Variants in MLIP observed in about 807,000 individuals in gnomAD.
The protein encoded by MLIP is muscular LMNA-interacting protein.
Under a neutral mutation model 84.8 loss-of-function variants are expected in MLIP, and 79 were observed. The observed-to-expected ratio is 0.93, with a 90% confidence interval of 0.78 to 1.12. MLIP has a LOEUF of 1.12. Ranked by LOEUF, MLIP falls within the 50% of genes most tolerant of loss-of-function variation. The pLI is 0.00. For synonymous variants in MLIP, 504 were observed against 463.0 expected (o/e 1.09, Z -1.14); for missense variants, 1,257 against 1,160.6 (o/e 1.08, Z -1.21).
intron 1 of MLIP, among the ~76,000 whole-genome samples, chr6:54,092,414 G>A (rs1467385044): frequency 6.6e-6 from 1 of 152,102 alleles, no homozygotes; most frequent in Non-Finnish European, 1.5e-5. Flanking sequence ...TCATTTCACA[G>A]TAGTCCTATG....
At chr6:54,215,073 C>T (rs1175804495) in intron 11 of MLIP, 9 of 1,189,812 alleles carry the variant, frequency 7.6e-6, no homozygotes, top group Admixed American at 4.2e-5. Flanking sequence ...TGCCTTTTTG[C>T]TCCTATTTGT....
chr6:54,239,069 C>T (rs1463773447), intron 12 of MLIP, among the ~76,000 whole-genome samples: 1 of 152,060 alleles, frequency 6.6e-6, no homozygotes, highest in Non-Finnish European at 1.5e-5. Context: ...TTCTAGATTT[C>T]TCTAGCCTTT....
chr6:54,029,480 C>G (rs545431174), intron 1 of MLIP: 3 of 152,480 alleles, frequency 2.0e-5, no homozygotes, highest in East Asian at 3.9e-4. Context: ...GAGAAATGAG[C>G]CTTTACCAGA....
Position 54,266,025 on chromosome 6 carries a change from A to G in MLIP, c.*70A>G. 1 of 1,502,564 alleles carries G rather than the reference A, an allele frequency of 6.7e-7. No homozygotes were observed. The highest frequency in any genetic ancestry group is 9.1e-7 in the Non-Finnish European group (1 of 1,101,148). The allele number at this position is 1,502,564 out of a possible 1,614,324, so 93.1% of individuals were successfully genotyped here. On this transcript the variant is annotated 3_prime_UTR_variant, in exon 14 of 14. Coordinates refer to ENST00000502396, the MANE Select transcript of MLIP (RefSeq NM_001281747.2). ...AATGCTGGTGCTAACCACTTGCTAGATTTAACTTTTTTTTTTTTTTCCAGA... is the reference window on the plus strand; with the variant it reads ...AATGCTGGTGCTAACCACTTGCTAGGTTTAACTTTTTTTTTTTTTTCCAGA...
At chr6:54,035,026 T>C (rs192996843) in intron 1 of MLIP, among the ~76,000 whole-genome samples, 2 of 152,334 alleles carry the variant, frequency 1.3e-5, no homozygotes, top group East Asian at 1.9e-4. Context: ...TTACATGTTG[T>C]ACAGGTTTGT....
intron 12 of MLIP, among the ~76,000 whole-genome samples, chr6:54,233,906 G>T (rs1006904556): frequency 6.6e-6 from 1 of 152,046 alleles, no homozygotes; most frequent in East Asian, 1.9e-4. Flanking sequence ...GCATGAGATC[G>T]TATCTCATTG....
At chr6:54,238,032 C>T (rs1781482681) in intron 12 of MLIP, among the ~76,000 whole-genome samples, 1 of 151,988 alleles carries the variant, frequency 6.6e-6, no homozygotes, top group African/African-American at 2.4e-5. Context: ...CATTTTTCCC[C>T]CATTTTACAA....
intron 1 of MLIP, among the ~76,000 whole-genome samples, chr6:54,118,263 A>G (rs184767651): frequency 6.6e-6 from 1 of 152,256 alleles, no homozygotes; most frequent in Non-Finnish European, 1.5e-5. Context: ...CTGAATTCAC[A>G]GTATACTACT....
intron 8 of MLIP, among the ~76,000 whole-genome samples, chr6:54,161,596 C>CT (rs1216908443): frequency 2.0e-5 from 3 of 151,564 alleles, no homozygotes; most frequent in East Asian, 3.9e-4. Context: ...AATTAGTATA[C>CT]TTTTTTCCTG....
Position 54,137,436 on chromosome 6 carries a change from AG to A in MLIP, c.1368del (p.Lys456AsnfsTer16), listed in dbSNP as rs1771911323. On this transcript the variant is annotated frameshift_variant, in exon 4 of 14. Coordinates refer to ENST00000502396, the MANE Select transcript of MLIP (RefSeq NM_001281747.2). LOFTEE classifies it high-confidence loss of function. ...ACGCTCACACTTGACCAAAAAGAAAAGCAGACCCCACCCACGCCTAAAAAAT... is the reference window on the plus strand; with the variant it reads ...ACGCTCACACTTGACCAAAAAGAAAACAGACCCCACCCACGCCTAAAAAAT... ...SSTLTLDQKE[K>X]QTPPTPKKSL... 6.5e-7 allele frequency: 1 copy of A among 1,535,882 alleles called. No homozygotes were observed. The highest frequency in any genetic ancestry group is 8.7e-7 in the Non-Finnish European group (1 of 1,146,860).
At chr6:54,228,213 A>AAAAG (rs1562082666) in intron 11 of MLIP, among the ~76,000 whole-genome samples, 29 of 116,650 alleles carry the variant, frequency 2.5e-4, no homozygotes, top group Admixed American at 1.4e-3. Context: ...AAAAAAAAAA[A>AAAAG]AGAGAAAGAA....
Position 54,136,824 on chromosome 6 carries a change from G to C in MLIP, c.755G>C (p.Gly252Ala), listed in dbSNP as rs1357874293. 6.5e-7 allele frequency: 1 copy of C among 1,530,948 alleles called. No individual in the cohort carries two copies. Among genetic ancestry groups the C allele is most frequent in the African/African-American group, 1.4e-5 (1 of 73,010 alleles). 94.8% of individuals were successfully genotyped at this position (1,530,948 alleles called of 1,614,324 possible). A position where few individuals can be genotyped will look rare whatever the true frequency, so the allele number is the denominator to read the frequency against. The change falls in exon 4 of 14, where the codon GGA (glycine) becomes GCA (alanine). Residue 252 changes from glycine (G) to alanine (A), a missense_variant. Physicochemically the swap from Gly to Ala is moderately conservative, Grantham distance 60. Coordinates refer to ENST00000502396, the MANE Select transcript of MLIP (RefSeq NM_001281747.2). The stretch of plus-strand genomic sequence containing the variant: ...CCACCCGACCCAGTTAACCTCGAGG[G>C]AGCCTCTGTCCTAGAGGAGTTCCAC... ...NTPPDPVNLE[G>A]ASVLEEFHTR...
At chr6:54,167,093 T>C (rs1775274281) in intron 8 of MLIP, among the ~76,000 whole-genome samples, 1 of 151,970 alleles carries the variant, frequency 6.6e-6, no homozygotes. Context: ...CACTGTGTTT[T>C]GTTGGATAGT....
At chr6:54,226,944 A>C (rs1382007862) in intron 11 of MLIP, among the ~76,000 whole-genome samples, 1 of 152,146 alleles carries the variant, frequency 6.6e-6, no homozygotes, top group African/African-American at 2.4e-5. Context: ...CCTTAGTTGG[A>C]GAATGATACG....
intron 5 of MLIP, among the ~76,000 whole-genome samples, chr6:54,149,531 G>T (rs1323195199): frequency 1.3e-5 from 2 of 152,154 alleles, no homozygotes; most frequent in African/African-American, 4.8e-5. Context: ...ACCTTGGGTT[G>T]TTGACTGGTA....
At chr6:54,144,458 T>C (rs1006967527) in intron 4 of MLIP, among the ~76,000 whole-genome samples, 2 of 152,214 alleles carry the variant, frequency 1.3e-5, no homozygotes. Flanking sequence ...AGTTTTTCCA[T>C]GGATTGAGGG....
chr6:54,175,488 T>C (rs149993640), intron 9 of MLIP, among the ~76,000 whole-genome samples: 2 of 152,164 alleles, frequency 1.3e-5, no homozygotes, highest in African/African-American at 2.4e-5. Flanking sequence ...TCCTAGGTTA[T>C]TGCTTTTACT....
At chr6:54,134,720 A>G (rs1448031060) in intron 3 of MLIP, among the ~76,000 whole-genome samples, 2 of 152,100 alleles carry the variant, frequency 1.3e-5, no homozygotes, top group East Asian at 3.8e-4. Context: ...TGGTCTTAGC[A>G]TAGTGATAAT....
chr6:54,254,754 T>TCCTTCCTTCCTTCCCTTCCTC (rs1325224427), intron 12 of MLIP, among the ~76,000 whole-genome samples: 69 of 142,576 alleles, frequency 4.8e-4, no homozygotes, highest in Non-Finnish European at 8.8e-4. Flanking sequence ...CTTCCTTCCT[T>TCCTTCCTTCCTTCCCTTCCTC]CCTTCCTTCC....
Sources: allele counts gnomAD v4.1 joint callset (sites outside exome capture counted in the v4.1 genomes callset), GRCh38; gene constraint gnomAD v4.1.1; transcripts MANE v1.5; gene names NCBI Gene and HGNC (gene_info 2026-07-23, HGNC 2026-07-21).